DDX4: variants seen among roughly 807,000 people sequenced by gnomAD.
DDX4 encodes the protein DEAD-box helicase 4.
A neutral mutation model predicts 100.0 loss-of-function variants in DDX4; 25 were observed. That is an observed-to-expected ratio of 0.25 (90% CI 0.18 to 0.35). The LOEUF is 0.35. Ranked by LOEUF, DDX4 falls within the 10% of genes least tolerant of loss-of-function variation. DDX4 has a pLI of 1.00. For synonymous variants in DDX4, 259 were observed against 275.7 expected (o/e 0.94, Z 0.60); for missense variants, 635 against 882.4 (o/e 0.72, Z 3.55).
chr5:55,770,083 G>C (rs1472282746), intron 7 of DDX4, among the ~76,000 whole-genome samples: 1 of 152,090 alleles, frequency 6.6e-6, no homozygotes, highest in Non-Finnish European at 1.5e-5. Flanking sequence ...GGCCAGGCTG[G>C]TCTGGAACTC....
At chr5:55,771,192 G>A (rs1462685843) in intron 7 of DDX4, among the ~76,000 whole-genome samples, 14 of 152,052 alleles carry the variant, frequency 9.2e-5, no homozygotes, top group African/African-American at 3.4e-4. Flanking sequence ...GTTCAATTAT[G>A]TTTCACAAAC....
intron 17 of DDX4, among the ~76,000 whole-genome samples, chr5:55,796,819 C>CTTTTTT (rs1742976174): frequency 1.6e-5 from 1 of 63,454 alleles, no homozygotes; most frequent in Non-Finnish European, 3.6e-5. Context: ...TTTTTTCTTT[C>CTTTTTT]TTTCTTTTTT....
intron 7 of DDX4, 182 bp downstream of exon 7, chr5:55,768,122 CTTTTA>C (rs1334036703): frequency 1.7e-5 from 10 of 589,780 alleles, no homozygotes; most frequent in South Asian, 1.3e-4. Flanking sequence ...TCCTTTCACT[CTTTTA>C]TTTTATTTTT....
chr5:55,792,583 A>G, intron 16 of DDX4, 58 bp from the exon 17 acceptor site: 2 of 869,632 alleles, frequency 2.3e-6, no homozygotes, highest in South Asian at 3.5e-5. Flanking sequence ...ATTGTAGAGA[A>G]TAGTTTAATA....
At chr5:55,798,248 A>G (rs970777173) in intron 17 of DDX4, among the ~76,000 whole-genome samples, 178 bp from the exon 18 acceptor site, 16 of 152,172 alleles carry the variant, frequency 1.1e-4, no homozygotes, top group African/African-American at 3.9e-4. Flanking sequence ...GCAAAATCCT[A>G]ATATTTTATA....
intron 12 of DDX4, 73 bp downstream of exon 12, chr5:55,785,567 A>G: frequency 7.3e-7 from 1 of 1,371,952 alleles, no homozygotes; most frequent in Non-Finnish European, 1.0e-6. Context: ...TTACTTAAAA[A>G]CAAAGTTATC....
chr5:55,766,702 G>C (rs1434495982), intron 6 of DDX4, among the ~76,000 whole-genome samples: 1 of 152,032 alleles, frequency 6.6e-6, no homozygotes, highest in Non-Finnish European at 1.5e-5. Flanking sequence ...TTTCACACAG[G>C]AACTTAGCTA....
rs566435125 is a variant in DDX4 at position 55,808,983 on chromosome 5, C to T, written c.1616-4690C>T. Among the ~76,000 whole-genome samples the T allele has an allele frequency of 4.6e-3, 694 of 152,352 alleles. 3 individuals carry two copies. The highest frequency in any genetic ancestry group is 8.0e-3 in the Admixed American group (122 of 15,306). ...CTCCACCCAGTTCGAGCTTCCTGGC[C>T]GCTTTGTTTACCTAAGCAAGCCTAG... On this transcript the variant is annotated intron_variant, in intron 18 of 21. Coordinates refer to ENST00000505374, the MANE Select transcript of DDX4 (RefSeq NM_024415.3).
At chr5:55,768,604 T>C (rs1484377969) in intron 7 of DDX4, among the ~76,000 whole-genome samples, 1 of 152,204 alleles carries the variant, frequency 6.6e-6, no homozygotes, top group Admixed American at 6.5e-5. Flanking sequence ...TACATGTGAC[T>C]TTATGGTAGA....
intron 14 of DDX4, 122 bp downstream of exon 14, chr5:55,786,792 T>C: frequency 2.7e-6 from 2 of 735,566 alleles, no homozygotes; most frequent in Non-Finnish European, 4.6e-6. Flanking sequence ...GTCATAAGTA[T>C]TGATGGTTTT....
intron 18 of DDX4, among the ~76,000 whole-genome samples, chr5:55,802,443 A>G (rs1203666356): frequency 6.6e-6 from 1 of 152,226 alleles, no homozygotes; most frequent in African/African-American, 2.4e-5. Context: ...AAATGGCCAC[A>G]GAGAGATATT....
At chr5:55,797,919 G>T (rs763472703) in intron 17 of DDX4, among the ~76,000 whole-genome samples, 43 of 152,180 alleles carry the variant, frequency 2.8e-4, no homozygotes, top group Non-Finnish European at 5.1e-4. Context: ...TGTCGTGACA[G>T]ACAGAGCACT....
In DDX4 at chr5:55,780,082, C is replaced by A; in HGVS notation, c.496+17C>A. ...GAAGTCCAAGTTAGTACTGGATTTGCAAATGATGTGCTTCATTAACTGTTA... is the reference window on the plus strand; with the variant it reads ...GAAGTCCAAGTTAGTACTGGATTTGAAAATGATGTGCTTCATTAACTGTTA... On this transcript the variant is annotated intron_variant, in intron 8 of 21. Transcript: ENST00000505374. 6.2e-7 allele frequency: 1 copy of A among 1,612,014 alleles called. No individual in the cohort carries two copies. Among genetic ancestry groups the A allele is most frequent in the South Asian group, 1.1e-5 (1 of 90,716 alleles).
At chr5:55,740,577 C>T (rs1385281884) in intron 2 of DDX4, among the ~76,000 whole-genome samples, 1 of 151,428 alleles carries the variant, frequency 6.6e-6, no homozygotes, top group Non-Finnish European at 1.5e-5. Flanking sequence ...GCAGTCTCAG[C>T]TCACTGCAAC....
chr5:55,742,439 A>G (rs566449008), intron 2 of DDX4, among the ~76,000 whole-genome samples: 16 of 152,224 alleles, frequency 1.1e-4, no homozygotes, highest in Non-Finnish European at 2.2e-4. Context: ...TAGACCATCC[A>G]CAATTATAAT....
chr5:55,765,409 A>ATATATATATATATATAT (rs1416478232), intron 6 of DDX4, among the ~76,000 whole-genome samples: 5 of 104,796 alleles, frequency 4.8e-5, no homozygotes, highest in Non-Finnish European at 5.4e-5. Context: ...AAAAAAAAAA[A>ATATATATATATATATAT]AAAAATATAT....
At chr5:55,807,959 C>T (rs191504737) in intron 18 of DDX4, among the ~76,000 whole-genome samples, 12 of 152,332 alleles carry the variant, frequency 7.9e-5, no homozygotes, top group East Asian at 5.8e-4. Context: ...GTACACCAAT[C>T]AGATGTAGAT....
intron 18 of DDX4, among the ~76,000 whole-genome samples, chr5:55,799,794 T>G (rs758228890): frequency 2.0e-4 from 31 of 152,210 alleles, no homozygotes; most frequent in Admixed American, 1.3e-3. Flanking sequence ...ATAGGCTAGG[T>G]CTACTTACAT....
intron 3 of DDX4, among the ~76,000 whole-genome samples, chr5:55,751,276 C>T (rs2111662349): frequency 6.6e-6 from 1 of 152,212 alleles, no homozygotes; most frequent in South Asian, 2.1e-4. Context: ...CTCTGTTGTC[C>T]AGGCTGGAGT....
Sources: gnomAD v4.1 joint callset for allele counts (sites outside exome capture counted in the v4.1 genomes callset) on GRCh38, gnomAD v4.1.1 for gene constraint, MANE v1.5 for transcripts, NCBI Gene and HGNC (gene_info 2026-07-23, HGNC 2026-07-21) for gene names.